Variants in STX8 observed in about 807,000 individuals in gnomAD.
STX8 encodes the protein syntaxin 8.
A neutral mutation model predicts 37.5 loss-of-function variants in STX8; 23 were observed. The observed-to-expected ratio is 0.61, with a 90% CI of 0.44 to 0.87. The LOEUF (loss-of-function observed/expected upper bound fraction) is 0.87. Ranked by LOEUF, STX8 falls within the 40% of genes least tolerant of loss-of-function variation. The pLI is 0.00. For missense variants in STX8, 313 were observed against 284.7 expected, an observed-to-expected ratio of 1.10 and a Z score of -0.71; for synonymous variants, 115 against 99.1, an observed-to-expected ratio of 1.16 and a Z score of -0.95.
At chr17:9,430,681 GCT>G (rs1296547230) in intron 6 of STX8, among the ~76,000 whole-genome samples, 1 of 138,206 alleles carries the variant, frequency 7.2e-6, no homozygotes, top group East Asian at 2.0e-4. Flanking sequence ...ACAGAGTCTC[GCT>G]CTGTTGCCCA....
At chr17:9,498,691 G>C (rs533578701) in intron 5 of STX8, among the ~76,000 whole-genome samples, 1 of 152,224 alleles carries the variant, frequency 6.6e-6, no homozygotes, top group East Asian at 1.9e-4. Context: ...AGAGACCTAA[G>C]AACGCAGAAA....
intron 3 of STX8, among the ~76,000 whole-genome samples, chr17:9,550,584 TAAATA>T (rs1278445149): frequency 6.6e-6 from 1 of 151,894 alleles, no homozygotes; most frequent in African/African-American, 2.4e-5. Flanking sequence ...AAAAAATAAA[TAAATA>T]AAAATAAAAA....
At chr17:9,260,605 CAG>C (rs1372571874) in intron 7 of STX8, among the ~76,000 whole-genome samples, 1 of 152,044 alleles carries the variant, frequency 6.6e-6, no homozygotes, top group Non-Finnish European at 1.5e-5. Context: ...GCCTGGGCAA[CAG>C]AGTGAGACTC....
intron 2 of STX8, among the ~76,000 whole-genome samples, chr17:9,559,209 A>T (rs530930095): frequency 1.3e-5 from 2 of 152,296 alleles, no homozygotes; most frequent in South Asian, 4.1e-4. Context: ...CACTTTCTAG[A>T]GCACAAAAAA....
intron 7 of STX8, among the ~76,000 whole-genome samples, chr17:9,360,392 G>A (rs57799335): frequency 0.1 from 15,176 of 151,218 alleles, 821 homozygotes; most frequent in Middle Eastern, 0.18. Flanking sequence ...GCACCACCAC[G>A]CCCAGCTCAT....
chr17:9,312,038 G>A (rs1189098396), intron 7 of STX8, among the ~76,000 whole-genome samples: 1 of 151,690 alleles, frequency 6.6e-6, no homozygotes. Context: ...TAGTAGAGAC[G>A]GGGTTTCACC....
At chr17:9,296,709 G>A (rs1480818066) in intron 7 of STX8, among the ~76,000 whole-genome samples, 1 of 151,704 alleles carries the variant, frequency 6.6e-6, no homozygotes, top group African/African-American at 2.4e-5. Flanking sequence ...GATTAGCTGT[G>A]TAAGTGAATA....
chr17:9,388,808 AAAAG>A, intron 6 of STX8, among the ~76,000 whole-genome samples: 1 of 135,236 alleles, frequency 7.4e-6, no homozygotes, highest in Non-Finnish European at 1.6e-5. Flanking sequence ...TGTCTCAAAA[AAAAG>A]AAAAAAAAAA....
chr17:9,380,257 T>G (rs1199262772), intron 6 of STX8, among the ~76,000 whole-genome samples: 13 of 140,866 alleles, frequency 9.2e-5, no homozygotes, highest in East Asian at 2.0e-4. Flanking sequence ...TCTGTGTGTT[T>G]TTTTTTTTTT....
intron 4 of STX8, among the ~76,000 whole-genome samples, chr17:9,520,074 C>A (rs1000089356): frequency 3.3e-5 from 5 of 152,134 alleles, no homozygotes; most frequent in African/African-American, 1.2e-4. Context: ...ATGTTTATAT[C>A]CCCAGGACCA....
chr17:9,416,494 G>A (rs1426202446), intron 6 of STX8, among the ~76,000 whole-genome samples: 5 of 152,114 alleles, frequency 3.3e-5, no homozygotes, highest in South Asian at 2.1e-4. Flanking sequence ...TCGGCCTCCC[G>A]AGTAGCTGGG....
chr17:9,252,418 T>G (rs1906617755), intron 7 of STX8, among the ~76,000 whole-genome samples: 1 of 148,842 alleles, frequency 6.7e-6, no homozygotes. Flanking sequence ...CACTCCAAAC[T>G]GGGCAACAGA....
At chr17:9,562,239 T>C (rs1907264102) in intron 2 of STX8, among the ~76,000 whole-genome samples, 1 of 151,180 alleles carries the variant, frequency 6.6e-6, no homozygotes, top group African/African-American at 2.4e-5. Flanking sequence ...CCGTCTCTAC[T>C]AAAAATACAA....
chr17:9,471,459 T>C (rs1421986141), intron 6 of STX8, among the ~76,000 whole-genome samples: 1 of 152,086 alleles, frequency 6.6e-6, no homozygotes, highest in African/African-American at 2.4e-5. Context: ...CCCTAACTGC[T>C]TTTCTTAACA....
intron 7 of STX8, among the ~76,000 whole-genome samples, chr17:9,369,946 G>A (rs1187845244): frequency 2.6e-5 from 4 of 151,114 alleles, no homozygotes; most frequent in Non-Finnish European, 1.5e-5. Context: ...CAGGTGCGGT[G>A]GCTCACACCT....
At chr17:9,477,806 T>C (rs1451347241) in intron 6 of STX8, among the ~76,000 whole-genome samples, 3 of 152,228 alleles carry the variant, frequency 2.0e-5, no homozygotes, top group African/African-American at 7.2e-5. Flanking sequence ...ATGTTAAATA[T>C]GTGGGGGTGG....
intron 4 of STX8, among the ~76,000 whole-genome samples, chr17:9,512,723 G>A (rs1309149655): frequency 6.6e-6 from 1 of 152,126 alleles, no homozygotes; most frequent in African/African-American, 2.4e-5. Flanking sequence ...GATCACAGAT[G>A]TGAACCCAGC....
intron 5 of STX8, 134 bp downstream of exon 5, chr17:9,504,904 G>A (rs1161074538): frequency 1.5e-5 from 13 of 855,572 alleles, no homozygotes; most frequent in Non-Finnish European, 2.2e-5. Context: ...AACCCGGGAG[G>A]TGGAGGTTGC....
chr17:9,552,088 A>T (rs537464145), intron 3 of STX8, among the ~76,000 whole-genome samples: 1 of 152,316 alleles, frequency 6.6e-6, no homozygotes, highest in East Asian at 1.9e-4. Context: ...ATGGTGGCTC[A>T]CACCAGTAAT....
Sources: allele counts gnomAD v4.1 joint callset (sites outside exome capture counted in the v4.1 genomes callset), GRCh38; gene constraint gnomAD v4.1.1; transcripts MANE v1.5; gene names NCBI Gene and HGNC (gene_info 2026-07-23, HGNC 2026-07-21).